The following CNTN5 variants were observed in gnomAD, a reference collection of about 807,000 sequenced individuals.
CNTN5 encodes the protein contactin-5.
CNTN5 carries 77 observed loss-of-function variants against 129.1 expected under a neutral mutation model. That is an observed-to-expected ratio of 0.60 (90% CI 0.50 to 0.72). The LOEUF is 0.72. Among genes scored for constraint, CNTN5 ranks in the 30% least tolerant of loss-of-function variants. The pLI is 0.00. For missense variants in CNTN5, 1,478 were observed against 1,328.8 expected (o/e 1.11, Z -1.75); for synonymous variants, 509 against 465.6 (o/e 1.09, Z -1.20).
intron 9 of CNTN5, among the ~76,000 whole-genome samples, chr11:100,040,960 G>T (rs1262861908): frequency 6.6e-6 from 1 of 152,152 alleles, no homozygotes; most frequent in African/African-American, 2.4e-5. Flanking sequence ...TTTGGCTCAT[G>T]CACGGTGCAC....
At chr11:99,167,056 A>G (rs891334279) in intron 1 of CNTN5, among the ~76,000 whole-genome samples, 1 of 152,178 alleles carries the variant, frequency 6.6e-6, no homozygotes, top group East Asian at 1.9e-4. Context: ...ATTAAGAAGT[A>G]TGTGACAGGA....
chr11:99,699,631 ATTG>A (rs767716060), intron 3 of CNTN5, among the ~76,000 whole-genome samples: 2 of 151,536 alleles, frequency 1.3e-5, no homozygotes, highest in African/African-American at 2.4e-5. Flanking sequence ...TAAATCATCT[ATTG>A]TTAAAATTAC....
chr11:99,999,928 G>A (rs995940863), intron 8 of CNTN5, among the ~76,000 whole-genome samples: 1 of 151,006 alleles, frequency 6.6e-6, no homozygotes, highest in African/African-American at 2.4e-5. Context: ...AACACTGCAT[G>A]TTCTCACTCA....
Position 100,271,144 on chromosome 11 carries a change from T to C in CNTN5, c.2217T>C (p.Asn739=). Reference sequence around the variant, plus strand: ...AGTCAGCCATGGCTGTGGACCTAAATCCCTGGGTGGAATATGAATTTCGAG... The same window carrying C: ...AGTCAGCCATGGCTGTGGACCTAAACCCCTGGGTGGAATATGAATTTCGAG... ...DMESAMAVDL[N]PWVEYEFRVV... is the part of the protein sequence containing the mutation. Residue 739 remains asparagine (N), a synonymous_variant, in exon 18 of 25, where the codon AAT becomes AAC. Transcript: ENST00000524871. 2 of 1,613,090 alleles carry C rather than the reference T, an allele frequency of 1.2e-6. No homozygotes were observed. The highest frequency in any genetic ancestry group is 2.2e-5 in the South Asian group (2 of 91,000).
intron 3 of CNTN5, among the ~76,000 whole-genome samples, chr11:99,658,912 G>T (rs676360): frequency 1.5e-5 from 2 of 135,624 alleles, no homozygotes; most frequent in East Asian, 2.1e-4. Flanking sequence ...AAAAGAAAAA[G>T]AAAAATATAA....
intron 21 of CNTN5, among the ~76,000 whole-genome samples, chr11:100,332,895 G>A (rs1344275289): frequency 6.6e-6 from 1 of 152,106 alleles, no homozygotes; most frequent in Admixed American, 6.6e-5. Context: ...AGGCAAGGAT[G>A]CCCACTCTCA....
At chr11:99,710,186 A>G (rs570587094) in intron 3 of CNTN5, among the ~76,000 whole-genome samples, 3 of 151,764 alleles carry the variant, frequency 2.0e-5, no homozygotes, top group Admixed American at 1.3e-4. Flanking sequence ...CACCTTCTAT[A>G]GTCCCATTCT....
chr11:99,112,158 TA>T (rs1231562911), intron 1 of CNTN5, among the ~76,000 whole-genome samples: 1 of 152,064 alleles, frequency 6.6e-6, no homozygotes, highest in East Asian at 1.9e-4. Flanking sequence ...AGACATATGT[TA>T]CACCGAAGAT....
intron 6 of CNTN5, among the ~76,000 whole-genome samples, chr11:99,875,243 C>T (rs982878836): frequency 3.3e-5 from 5 of 152,026 alleles, no homozygotes; most frequent in East Asian, 1.9e-4. Flanking sequence ...CACATACACA[C>T]GTGAATCTCA....
rs79419053 is a variant in CNTN5 at position 99,129,801 on chromosome 11, C to A, written c.-210+108531C>A. ...CCTACAAGTCAGAAGAGATTGGGAG[C>A]CAATATTCAATATCCTTGAAGAAAA... is the stretch of plus-strand genomic sequence containing the variant. On this transcript the variant is annotated intron_variant, in intron 1 of 24. Transcript: ENST00000524871. Among the ~76,000 whole-genome samples the A allele has an allele frequency of 1.3e-3, 205 of 152,206 alleles. 4 individuals are homozygous for A. The East Asian group carries it at 0.036, about 27-fold the overall frequency.
intron 6 of CNTN5, among the ~76,000 whole-genome samples, chr11:99,868,100 C>T (rs892032648): frequency 5.9e-5 from 9 of 151,880 alleles, no homozygotes; most frequent in African/African-American, 2.2e-4. Flanking sequence ...CCTATAATCC[C>T]AGCTACTCGG....
chr11:99,973,946 T>G (rs1314488679), intron 8 of CNTN5, among the ~76,000 whole-genome samples: 1 of 152,212 alleles, frequency 6.6e-6, no homozygotes, highest in Non-Finnish European at 1.5e-5. Context: ...GTCTTCAAAG[T>G]AGACATACTG....
chr11:99,350,047 C>T (rs1938180959), intron 2 of CNTN5, among the ~76,000 whole-genome samples: 1 of 151,930 alleles, frequency 6.6e-6, no homozygotes, highest in Non-Finnish European at 1.5e-5. Flanking sequence ...GTTATATTGC[C>T]AACTAAAGTC....
intron 2 of CNTN5, among the ~76,000 whole-genome samples, chr11:99,447,542 A>T (rs1944119344): frequency 6.6e-6 from 1 of 152,236 alleles, no homozygotes; most frequent in African/African-American, 2.4e-5. Context: ...TCCCTATGCC[A>T]GTTTCTTTAT....
intron 8 of CNTN5, among the ~76,000 whole-genome samples, chr11:99,994,156 G>A (rs1266999534): frequency 7.9e-6 from 1 of 126,332 alleles, no homozygotes; most frequent in Non-Finnish European, 1.6e-5. Flanking sequence ...CATTTTTAAC[G>A]ACAATGGCAA....
intron 3 of CNTN5, among the ~76,000 whole-genome samples, chr11:99,601,647 G>C (rs1376413465): frequency 6.6e-6 from 1 of 151,990 alleles, no homozygotes; most frequent in Admixed American, 6.6e-5. Context: ...CTCCTTCTTT[G>C]GTGACACCAC....
intron 1 of CNTN5, among the ~76,000 whole-genome samples, chr11:99,076,238 G>A (rs547279717): frequency 2.7e-4 from 41 of 152,228 alleles, no homozygotes; most frequent in Middle Eastern, 3.4e-3. Flanking sequence ...AGGAGGCTGA[G>A]GCAGGAGAAT....
intron 1 of CNTN5, among the ~76,000 whole-genome samples, chr11:99,163,106 C>A (rs541015889): frequency 6.6e-6 from 1 of 152,124 alleles, no homozygotes; most frequent in Non-Finnish European, 1.5e-5. Context: ...ACCTATTGAC[C>A]TCGCAGGTTG....
At chr11:99,472,544 G>A (rs1945215573) in intron 2 of CNTN5, among the ~76,000 whole-genome samples, 1 of 152,130 alleles carries the variant, frequency 6.6e-6, no homozygotes, top group African/African-American at 2.4e-5. Context: ...TTACTGTTGT[G>A]CGTGAATACT....
Sources: gnomAD v4.1 joint callset for allele counts (sites outside exome capture counted in the v4.1 genomes callset) on GRCh38, gnomAD v4.1.1 for gene constraint, MANE v1.5 for transcripts, NCBI Gene and HGNC (gene_info 2026-07-23, HGNC 2026-07-21) for gene names.